ADARB2: variants seen among roughly 807,000 people sequenced by gnomAD.
The protein encoded by ADARB2 is adenosine deaminase RNA specific B2 (inactive).
A neutral mutation model predicts 62.2 loss-of-function variants in ADARB2; 25 were observed. The observed-to-expected ratio is 0.40, with a 90% CI of 0.29 to 0.56. The LOEUF is 0.56. Ranked by LOEUF, ADARB2 falls within the 20% of genes least tolerant of loss-of-function variation. ADARB2 has a pLI of 0.43. For synonymous variants in ADARB2, 572 were observed against 500.8 expected (o/e 1.14, Z -1.90); for missense variants, 1,071 against 1,077.4 (o/e 0.99, Z 0.08).
chr10:1,273,536 C>G (rs778575809), intron 3 of ADARB2, among the ~76,000 whole-genome samples: 1 of 152,188 alleles, frequency 6.6e-6, no homozygotes, highest in African/African-American at 2.4e-5. Flanking sequence ...TGGTTCTCCC[C>G]TAGAAGGCTG....
intron 3 of ADARB2, among the ~76,000 whole-genome samples, chr10:1,326,050 CAGT>C (rs1436178036): frequency 2.0e-5 from 3 of 152,198 alleles, no homozygotes; most frequent in Non-Finnish European, 4.4e-5. Flanking sequence ...AAAGTTAAAA[CAGT>C]AGATATGTAA....
intron 1 of ADARB2, among the ~76,000 whole-genome samples, chr10:1,648,864 T>C (rs1421177027): frequency 1.3e-5 from 2 of 152,134 alleles, no homozygotes; most frequent in African/African-American, 2.4e-5. Flanking sequence ...CGAGGGGCAG[T>C]CTCTAGCTCC....
chr10:1,184,481 C>A (rs1434270969), intron 9 of ADARB2, among the ~76,000 whole-genome samples: 1 of 152,206 alleles, frequency 6.6e-6, no homozygotes, highest in Admixed American at 6.5e-5. Flanking sequence ...GGGGAAATTA[C>A]ACAATTTTTC....
intron 1 of ADARB2, among the ~76,000 whole-genome samples, chr10:1,469,748 G>A (rs575504491): frequency 2.5e-4 from 38 of 152,318 alleles, no homozygotes; most frequent in Admixed American, 6.5e-4. Context: ...AAGGTAACAT[G>A]AGAGGAATCT....
intron 1 of ADARB2, among the ~76,000 whole-genome samples, chr10:1,414,080 C>T (rs10903445): frequency 0.48 from 73,756 of 152,080 alleles, 18,708 homozygotes; most frequent in East Asian, 0.66. Flanking sequence ...CTTTCCTCAC[C>T]AGCTCGGCTC....
chr10:1,603,601 C>T (rs1208553222), intron 1 of ADARB2, among the ~76,000 whole-genome samples: 3 of 151,712 alleles, frequency 2.0e-5, no homozygotes, highest in East Asian at 1.9e-4. Context: ...GTTCTCTCTA[C>T]GCTGCCAGTT....
rs961720477 is a variant in ADARB2 at position 1,316,322 on chromosome 10, C to T, written c.1078-45253G>A. Among the ~76,000 whole-genome samples the T allele has an allele frequency of 4.6e-5, 7 of 152,212 alleles. No individual in the cohort carries two copies. In the East Asian group the frequency reaches 9.6e-4, roughly 21 times the overall value. On this transcript the variant is annotated intron_variant, in intron 3 of 9. Transcript: ENST00000381312. ...GGGCCCTGCTCTGCCGTGGTGATGG[C>T]GGCTTCCCTGAGTCCAGGCTCGCCT...
chr10:1,500,130 G>T (rs570903798), intron 1 of ADARB2, among the ~76,000 whole-genome samples: 1 of 152,340 alleles, frequency 6.6e-6, no homozygotes, highest in Non-Finnish European at 1.5e-5. Context: ...AAGAGTTGGA[G>T]TTGTTTGTCA....
At chr10:1,733,430 CAA>C (rs1165679759) in intron 1 of ADARB2, among the ~76,000 whole-genome samples, 2 of 152,022 alleles carry the variant, frequency 1.3e-5, no homozygotes, top group African/African-American at 2.4e-5. Flanking sequence ...AATACATTCA[CAA>C]AAGAGAGAAA....
rs547657424 is a variant in ADARB2, at chr10:1,418,306, T to A, written c.101-39146A>T. Among the ~76,000 whole-genome samples, 229 of 152,270 alleles carry A rather than the reference T, an allele frequency of 1.5e-3. 2 individuals are homozygous for A. In the Middle Eastern group the frequency reaches 0.017, roughly 11 times the overall value. On this transcript the variant is annotated intron_variant, in intron 1 of 9. Transcript: ENST00000381312. ...CCCGGGAAAGACGGTGGGCTCAGGG[T>A]CAGGCCTCGAGCTTTAAGATGCAGC...
In ADARB2 at chr10:1,558,116, G is replaced by A. The variant is rs140091491; in HGVS notation, c.100+178935C>T. Among the ~76,000 whole-genome samples, 707 of 152,092 alleles carry A rather than the reference G, an allele frequency of 4.6e-3. 3 individuals are homozygous for A. The highest frequency in any genetic ancestry group is 8.2e-3 in the Non-Finnish European group (559 of 67,954). On this transcript the variant is annotated intron_variant, in intron 1 of 9. Coordinates refer to ENST00000381312, the MANE Select transcript of ADARB2 (RefSeq NM_018702.4). Reference sequence around the variant, plus strand: ...AGAAGAAAGGAGCTTCCTGGACCCCGTGACTCTGGAACCCTCACGTCTCCA... The same window carrying A: ...AGAAGAAAGGAGCTTCCTGGACCCCATGACTCTGGAACCCTCACGTCTCCA...
At chr10:1,271,995 T>C (rs1471623419) in intron 3 of ADARB2, among the ~76,000 whole-genome samples, 1 of 152,240 alleles carries the variant, frequency 6.6e-6, no homozygotes, top group Non-Finnish European at 1.5e-5. Context: ...TATGGTGTTT[T>C]CGTAAGGATT....
chr10:1,527,556 A>G lies in ADARB2; in HGVS notation c.101-148396T>C, dbSNP rs372063325. 4.6e-5 allele frequency among the ~76,000 whole-genome samples: 7 copies of G among 152,382 alleles called. No homozygotes were observed. The South Asian group carries it at 6.2e-4, about 14-fold the overall frequency. ...CAAGAAGAATGCTGTTTCTGTTGTAAGAAGACTTGCTATACATAACAGGAT... is the reference window on the plus strand; with the variant it reads ...CAAGAAGAATGCTGTTTCTGTTGTAGGAAGACTTGCTATACATAACAGGAT... On this transcript the variant is annotated intron_variant, in intron 1 of 9. Coordinates refer to ENST00000381312, the MANE Select transcript of ADARB2 (RefSeq NM_018702.4).
chr10:1,645,471 C>A (rs1259285175), intron 1 of ADARB2, among the ~76,000 whole-genome samples: 1 of 152,196 alleles, frequency 6.6e-6, no homozygotes, highest in African/African-American at 2.4e-5. Flanking sequence ...TTTGTTACTT[C>A]CACATAAAGC....
intron 1 of ADARB2, among the ~76,000 whole-genome samples, chr10:1,572,730 G>A (rs756959056): frequency 1.3e-5 from 2 of 152,218 alleles, no homozygotes; most frequent in Non-Finnish European, 1.5e-5. Context: ...GCAGTGAAGA[G>A]GAGGTCACTG....
chr10:1,464,680 C>T (rs1241992213), intron 1 of ADARB2, among the ~76,000 whole-genome samples: 2 of 94,824 alleles, frequency 2.1e-5, no homozygotes, highest in African/African-American at 3.9e-5. Flanking sequence ...CCCACACACG[C>T]GCTGGGGGCA....
chr10:1,575,976 AG>A (rs148833709), intron 1 of ADARB2, among the ~76,000 whole-genome samples: 1 of 116,264 alleles, frequency 8.6e-6, no homozygotes, highest in African/African-American at 3.4e-5. Context: ...GGGCCATGGG[AG>A]GGGGCTCAGG....
chr10:1,599,996 A>C (rs1419623526), intron 1 of ADARB2, among the ~76,000 whole-genome samples: 1 of 152,118 alleles, frequency 6.6e-6, no homozygotes, highest in Non-Finnish European at 1.5e-5. Flanking sequence ...CTGAGCACCT[A>C]GGCCTCCCAA....
chr10:1,424,133 T>A (rs1832875637), intron 1 of ADARB2, among the ~76,000 whole-genome samples: 1 of 152,216 alleles, frequency 6.6e-6, no homozygotes, highest in South Asian at 2.1e-4. Flanking sequence ...GTGGGTCTAC[T>A]ACGTATACAG....
Sources: allele counts gnomAD v4.1 joint callset (sites outside exome capture counted in the v4.1 genomes callset), GRCh38; gene constraint gnomAD v4.1.1; transcripts MANE v1.5; gene names NCBI Gene and HGNC (gene_info 2026-07-23, HGNC 2026-07-21).